CDX1: variants seen among roughly 807,000 people sequenced by gnomAD.
CDX1 encodes caudal type homeobox 1, also known as homeobox protein CDX-1.
In CDX1, 9 loss-of-function variants were observed where a neutral mutation model predicts 16.9. That is an observed-to-expected ratio of 0.53 (90% CI 0.32 to 0.93). CDX1 has a LOEUF of 0.93. Among genes scored for constraint, CDX1 ranks in the 40% least tolerant of loss-of-function variants. The pLI, the probability that CDX1 is intolerant of heterozygous loss-of-function variation, is 0.04. For synonymous variants in CDX1, 179 were observed against 179.0 expected (o/e 1.00, Z 0.00); for missense variants, 393 against 386.1 (o/e 1.02, Z -0.15).
chr5:150,173,662 A>G (rs1226603286), intron 1 of CDX1, among the ~76,000 whole-genome samples: 2 of 152,258 alleles, frequency 1.3e-5, no homozygotes, highest in African/African-American at 4.8e-5. Flanking sequence ...AGTACTAAGC[A>G]GTTATTATGG....
At chr5:150,179,305 C>T (rs1761611201) in intron 1 of CDX1, among the ~76,000 whole-genome samples, 1 of 152,202 alleles carries the variant, frequency 6.6e-6, no homozygotes, top group South Asian at 2.1e-4. Context: ...CTGAGCCCAC[C>T]AGCTCCTCTC....
chr5:150,169,976 A>T (rs1485798503), intron 1 of CDX1, among the ~76,000 whole-genome samples: 1 of 152,218 alleles, frequency 6.6e-6, no homozygotes, highest in African/African-American at 2.4e-5. Flanking sequence ...TTCCCATCAT[A>T]TGTAGGATAA....
chr5:150,175,788 C>A (rs1050096975), intron 1 of CDX1, among the ~76,000 whole-genome samples: 1 of 152,194 alleles, frequency 6.6e-6, no homozygotes, highest in African/African-American at 2.4e-5. Flanking sequence ...GCTGGTGGGC[C>A]GGCCAGATCT....
rs776185242 is a variant in CDX1 at position 150,183,466 on chromosome 5, C to T, written c.592-8C>T. On this transcript the variant is annotated splice_region_variant and splice_polypyrimidine_tract_variant and intron_variant, in intron 2 of 2. Coordinates refer to ENST00000231656, the MANE Select transcript of CDX1 (RefSeq NM_001804.3). ...TGCCCACTCCATCTCTGTCCTCCAACCCCACAGGTGAAGATCTGGTTCCAA... is the reference window on the plus strand; with the variant it reads ...TGCCCACTCCATCTCTGTCCTCCAATCCCACAGGTGAAGATCTGGTTCCAA... The T allele has an allele frequency of 4.4e-6, 7 of 1,591,588 alleles. No homozygotes were observed. The highest frequency in any genetic ancestry group is 1.1e-5 in the South Asian group (1 of 87,628).
chr5:150,176,649 C>G (rs139660828), intron 1 of CDX1, among the ~76,000 whole-genome samples: 1 of 152,114 alleles, frequency 6.6e-6, no homozygotes, highest in Admixed American at 6.6e-5. Context: ...TGCAGAGTCT[C>G]GAGGGCACTT....
At chr5:150,167,352 G>T in intron 1 of CDX1, 31 bp downstream of exon 1, 1 of 1,231,432 alleles carries the variant, frequency 8.1e-7, no homozygotes, top group Non-Finnish European at 1.0e-6. Context: ...CTGCGCCTCT[G>T]GACCTGCAGG....
chr5:150,167,368 G>T, intron 1 of CDX1, 47 bp downstream of exon 1: 1 of 1,213,990 alleles, frequency 8.2e-7, no homozygotes, highest in Non-Finnish European at 1.0e-6. Context: ...GCAGGTGCTC[G>T]GGCGCGGCCC....
chr5:150,178,578 T>C (rs929872529), intron 1 of CDX1, among the ~76,000 whole-genome samples: 2 of 152,110 alleles, frequency 1.3e-5, no homozygotes, highest in African/African-American at 4.8e-5. Flanking sequence ...CTTGGGGCAG[T>C]TGGGAGTTCC....
intron 1 of CDX1, among the ~76,000 whole-genome samples, chr5:150,176,833 G>A (rs759828415): frequency 1.3e-5 from 2 of 152,172 alleles, no homozygotes; most frequent in Non-Finnish European, 2.9e-5. Flanking sequence ...CTGGAGTGGG[G>A]CCTGGGAATC....
chr5:150,180,153 T>G (rs1761623835), intron 1 of CDX1, among the ~76,000 whole-genome samples: 1 of 152,270 alleles, frequency 6.6e-6, no homozygotes, highest in South Asian at 2.1e-4. Context: ...CCAATGGGTC[T>G]GTGGATTCAG....
chr5:150,176,963 G>A (rs1224760077), intron 1 of CDX1, among the ~76,000 whole-genome samples: 1 of 152,248 alleles, frequency 6.6e-6, no homozygotes, highest in Non-Finnish European at 1.5e-5. Context: ...GAGTCACAAA[G>A]GTTTTCAGAG....
Position 150,166,786 on chromosome 5 carries a change from A to G in CDX1, c.-91A>G. The G allele has an allele frequency of 2.2e-6, 2 of 901,874 alleles. No individual in the cohort carries two copies. Among genetic ancestry groups the G allele is most frequent in the Non-Finnish European group, 1.5e-6 (1 of 656,050 alleles). 55.9% of individuals were successfully genotyped at this position (901,874 alleles called of 1,614,324 possible). ...GGTGGGGCGGGCGCGGCGGCAGGAC[A>G]GCCGAGTTCAGGTGAGCGGTTGCTC... is the stretch of plus-strand genomic sequence containing the variant. On this transcript the variant is annotated 5_prime_UTR_variant, in exon 1 of 3. Coordinates refer to ENST00000231656, the MANE Select transcript of CDX1 (RefSeq NM_001804.3).
chr5:150,179,921 G>A (rs1021460726), intron 1 of CDX1, among the ~76,000 whole-genome samples: 3 of 152,268 alleles, frequency 2.0e-5, no homozygotes, highest in African/African-American at 4.8e-5. Flanking sequence ...CCCTGGAGAG[G>A]CAGCAAGAGC....
At chr5:150,171,042 C>T (rs1425443520) in intron 1 of CDX1, among the ~76,000 whole-genome samples, 1 of 152,106 alleles carries the variant, frequency 6.6e-6, no homozygotes, top group Admixed American at 6.5e-5. Context: ...GAGATGTTCA[C>T]GTGGATGAGA....
chr5:150,182,556 T>C (rs1178307903), intron 1 of CDX1, among the ~76,000 whole-genome samples: 5 of 152,222 alleles, frequency 3.3e-5, no homozygotes, highest in Non-Finnish European at 1.5e-5. Flanking sequence ...CTGATGGGCA[T>C]GGGAGGAGTA....
chr5:150,169,367 C>G (rs903568762), intron 1 of CDX1, among the ~76,000 whole-genome samples: 2 of 152,096 alleles, frequency 1.3e-5, no homozygotes, highest in African/African-American at 4.8e-5. Context: ...CCCCTCCTTG[C>G]TCTCCGAGAG....
At chr5:150,172,374 A>G (rs1761518873) in intron 1 of CDX1, among the ~76,000 whole-genome samples, 1 of 152,086 alleles carries the variant, frequency 6.6e-6, no homozygotes, top group African/African-American at 2.4e-5. Flanking sequence ...ATAACTTTGC[A>G]TGGGTGATCT....
intron 1 of CDX1, among the ~76,000 whole-genome samples, chr5:150,170,435 C>T (rs115495031): frequency 0.021 from 3,192 of 152,338 alleles, 121 homozygotes; most frequent in African/African-American, 0.073. Context: ...CAGCTCAGTG[C>T]ATGGCATTTA....
intron 1 of CDX1, among the ~76,000 whole-genome samples, chr5:150,172,503 A>G (rs753975296): frequency 2.6e-5 from 4 of 152,200 alleles, no homozygotes; most frequent in Non-Finnish European, 2.9e-5. Flanking sequence ...CAGCTAGGAC[A>G]TGGCAGCACA....
Sources: gnomAD v4.1 joint callset for allele counts (sites outside exome capture counted in the v4.1 genomes callset) on GRCh38, gnomAD v4.1.1 for gene constraint, MANE v1.5 for transcripts, NCBI Gene and HGNC (gene_info 2026-07-23, HGNC 2026-07-21) for gene names.